CNTN1: variants seen among roughly 807,000 people sequenced by gnomAD.
The protein encoded by CNTN1 is contactin-1.
A neutral mutation model predicts 126.4 loss-of-function variants in CNTN1; 38 were observed. The observed-to-expected ratio is 0.30, with a 90% confidence interval of 0.23 to 0.39. The LOEUF is 0.39. Ranked by LOEUF, CNTN1 falls within the 10% of genes least tolerant of loss-of-function variation. The probability of loss-of-function intolerance (pLI) is 1.00; values close to 1 mark genes in which losing one functional copy is unlikely to be tolerated. For synonymous variants in CNTN1, 413 were observed against 422.6 expected (o/e 0.98, Z 0.28); for missense variants, 1,009 against 1,248.4 (o/e 0.81, Z 2.89).
intron 17 of CNTN1, among the ~76,000 whole-genome samples, chr12:41,001,322 T>G (rs1948355141): frequency 6.6e-6 from 1 of 152,218 alleles, no homozygotes; most frequent in African/African-American, 2.4e-5. Context: ...TAGTATCTCA[T>G]TATGGTTTTG....
chr12:40,920,057 AAC>A (rs1245336214), intron 4 of CNTN1, among the ~76,000 whole-genome samples: 15 of 152,152 alleles, frequency 9.9e-5, no homozygotes, highest in African/African-American at 3.6e-4. Context: ...CCAAGACTGA[AAC>A]ACAGTTTTTA....
At chr12:40,745,005 TC>T (rs1398592414) in intron 1 of CNTN1, among the ~76,000 whole-genome samples, 1 of 152,150 alleles carries the variant, frequency 6.6e-6, no homozygotes, top group Non-Finnish European at 1.5e-5. Flanking sequence ...TCTGCTTCAT[TC>T]ACTTAATATT....
intron 17 of CNTN1, among the ~76,000 whole-genome samples, chr12:41,003,734 G>A (rs1284400015): frequency 6.6e-6 from 1 of 152,088 alleles, no homozygotes; most frequent in Non-Finnish European, 1.5e-5. Flanking sequence ...TAGTTTATGT[G>A]TATAGAGGTG....
intron 1 of CNTN1, among the ~76,000 whole-genome samples, chr12:40,813,050 T>TCCTCCTTCCTTC (rs1233595227): frequency 2.0e-4 from 26 of 132,076 alleles, no homozygotes; most frequent in African/African-American, 6.8e-4. Context: ...TTTCTTTCTT[T>TCCTCCTTCCTTC]CTTTCTTTCT....
intron 14 of CNTN1, among the ~76,000 whole-genome samples, chr12:40,949,565 C>CTTTTTTTTTTTTTT (rs1253759992): frequency 1.0e-5 from 1 of 97,558 alleles, no homozygotes. Context: ...CTTTTCTTTT[C>CTTTTTTTTTTTTTT]TTTCTTTTTT....
chr12:40,994,964 T>C (rs368070121), intron 17 of CNTN1, among the ~76,000 whole-genome samples: 30 of 152,196 alleles, frequency 2.0e-4, no homozygotes, highest in African/African-American at 7.2e-4. Flanking sequence ...ATTAGTCATA[T>C]TAACTTAGAT....
At chr12:40,693,788 A>G (rs1184482073) in intron 1 of CNTN1, among the ~76,000 whole-genome samples, 1 of 152,162 alleles carries the variant, frequency 6.6e-6, no homozygotes, top group Non-Finnish European at 1.5e-5. Flanking sequence ...TGGGCGGGGC[A>G]AAAGGGAATC....
At chr12:40,947,718 T>C (rs1946479042) in intron 14 of CNTN1, among the ~76,000 whole-genome samples, 1 of 150,436 alleles carries the variant, frequency 6.6e-6, no homozygotes, top group African/African-American at 2.4e-5. Flanking sequence ...GTTAGTTAAT[T>C]ACATGAGTTC....
intron 15 of CNTN1, among the ~76,000 whole-genome samples, chr12:40,973,264 C>T (rs1947577016): frequency 6.6e-6 from 1 of 152,054 alleles, no homozygotes; most frequent in Non-Finnish European, 1.5e-5. Context: ...CAACTTCAAA[C>T]ATCAACATGA....
intron 15 of CNTN1, among the ~76,000 whole-genome samples, chr12:40,963,885 G>A (rs1290460241): frequency 1.3e-5 from 2 of 152,072 alleles, no homozygotes; most frequent in African/African-American, 4.8e-5. Context: ...GTCATTTAGA[G>A]GCAAGAGTTT....
chr12:40,802,440 T>C (rs1334871562), intron 1 of CNTN1, among the ~76,000 whole-genome samples: 1 of 151,950 alleles, frequency 6.6e-6, no homozygotes, highest in African/African-American at 2.4e-5. Context: ...AGTTCATCAA[T>C]GACAAGACAC....
chr12:41,016,140 G>T (rs1459418443), intron 18 of CNTN1, among the ~76,000 whole-genome samples: 1 of 151,164 alleles, frequency 6.6e-6, no homozygotes, highest in Non-Finnish European at 1.5e-5. Context: ...TTGAAGCCCT[G>T]TTCTAGGTGC....
intron 14 of CNTN1, among the ~76,000 whole-genome samples, chr12:40,950,097 GGTGTGTGTGTGTGTGTGTGT>G (rs59713493): frequency 1.3e-4 from 19 of 145,326 alleles, no homozygotes; most frequent in East Asian, 4.2e-4. Context: ...GTGTTGAGAG[GGTGTGTGTGTGTGTGTGTGT>G]GTGTGTGTGT....
At chr12:40,805,114 G>A (rs1940797658) in intron 1 of CNTN1, among the ~76,000 whole-genome samples, 1 of 151,974 alleles carries the variant, frequency 6.6e-6, no homozygotes, top group Non-Finnish European at 1.5e-5. Context: ...CAGTGTGACT[G>A]TGATGTATCT....
chr12:41,025,929 G>A (rs749751388), intron 21 of CNTN1, among the ~76,000 whole-genome samples: 3 of 152,132 alleles, frequency 2.0e-5, no homozygotes, highest in Admixed American at 6.6e-5. Context: ...GAATTTTTAT[G>A]TAGGACTCTA....
At chr12:40,709,023 A>C (rs752416194) in intron 1 of CNTN1, among the ~76,000 whole-genome samples, 16 of 152,208 alleles carry the variant, frequency 1.1e-4, no homozygotes, top group Non-Finnish European at 2.1e-4. Context: ...AAAATAGTAA[A>C]TTCTTTTCAA....
chr12:41,061,741 T>A, intron 23 of CNTN1: 1 of 455,238 alleles, frequency 2.2e-6, no homozygotes, highest in Non-Finnish European at 4.4e-6. Context: ...ACTTATAACA[T>A]TAAACCCTAT....
intron 1 of CNTN1, among the ~76,000 whole-genome samples, chr12:40,754,563 G>T (rs73110881): frequency 1.3e-5 from 2 of 151,642 alleles, no homozygotes; most frequent in East Asian, 3.9e-4. Flanking sequence ...TGTGGAAAGC[G>T]CATATACAGA....
chr12:40,944,142 A>C lies in CNTN1; in HGVS notation c.1655A>C (p.Glu552Ala). 3 of 1,613,352 alleles carry C rather than the reference A, an allele frequency of 1.9e-6. No homozygotes were observed. Among genetic ancestry groups the C allele is most frequent in the Non-Finnish European group, 2.5e-6 (3 of 1,179,524 alleles). The change falls in exon 14 of 24, where the codon GAG becomes GCG. Residue 552 changes from glutamate (E) to alanine (A), a missense_variant. Transcript: ENST00000551295. ...FNGYVIDFNK[E>A]NIHYQRNFML... ...GGCTATGTGATCGATTTTAACAAAGAGAATATTCACTACCAGAGGAATTTT... is the reference window on the plus strand; with the variant it reads ...GGCTATGTGATCGATTTTAACAAAGCGAATATTCACTACCAGAGGAATTTT...
Sources: gnomAD v4.1 joint callset for allele counts (sites outside exome capture counted in the v4.1 genomes callset) on GRCh38, gnomAD v4.1.1 for gene constraint, MANE v1.5 for transcripts, NCBI Gene and HGNC (gene_info 2026-07-23, HGNC 2026-07-21) for gene names.